CCDC148: variants seen among roughly 807,000 people sequenced by gnomAD.
The protein encoded by CCDC148 is coiled-coil domain-containing protein 148.
Under a neutral mutation model 85.7 loss-of-function variants are expected in CCDC148, and 89 were observed. The observed-to-expected ratio is 1.04, with a 90% CI of 0.87 to 1.24. The LOEUF (loss-of-function observed/expected upper bound fraction) is 1.24. Among genes scored for constraint, CCDC148 ranks in the 50% most tolerant of loss-of-function variants. The pLI is 0.00. For missense variants in CCDC148, 692 were observed against 671.7 expected, an observed-to-expected ratio of 1.03 and a Z score of -0.33; for synonymous variants, 230 against 213.9, an observed-to-expected ratio of 1.08 and a Z score of -0.66.
At chr2:158,320,084 G>T (rs1482900188) in intron 7 of CCDC148, among the ~76,000 whole-genome samples, 1 of 152,022 alleles carries the variant, frequency 6.6e-6, no homozygotes, top group Admixed American at 6.6e-5. Context: ...ACCTTATATA[G>T]ACATTATGAC....
At chr2:158,372,165 T>C (rs1351924494) in intron 1 of CCDC148, among the ~76,000 whole-genome samples, 1 of 151,986 alleles carries the variant, frequency 6.6e-6, no homozygotes, top group Admixed American at 6.6e-5. Context: ...CCAAACTGTT[T>C]TAATAATTCC....
chr2:158,277,598 T>G (rs542998499), intron 9 of CCDC148, among the ~76,000 whole-genome samples: 3 of 152,118 alleles, frequency 2.0e-5, no homozygotes, highest in South Asian at 4.1e-4. Flanking sequence ...TATGTTTTTT[T>G]GTTTTTTTTT....
chr2:158,250,448 A>G (rs954687597), intron 10 of CCDC148, among the ~76,000 whole-genome samples: 8 of 151,254 alleles, frequency 5.3e-5, no homozygotes, highest in African/African-American at 1.9e-4. Context: ...CCAGCACAGT[A>G]CCCTCTCATT....
intron 1 of CCDC148, among the ~76,000 whole-genome samples, chr2:158,371,131 T>C (rs752059107): frequency 2.0e-5 from 3 of 151,972 alleles, no homozygotes; most frequent in Non-Finnish European, 4.4e-5. Flanking sequence ...TATGCCTATT[T>C]TACCAATTAA....
intron 7 of CCDC148, among the ~76,000 whole-genome samples, chr2:158,334,578 G>A (rs536289069): frequency 1.5e-3 from 124 of 83,182 alleles, no homozygotes; most frequent in African/African-American, 6.2e-3. Context: ...ATATCTTAAC[G>A]CACCTGGAGG....
intron 1 of CCDC148, among the ~76,000 whole-genome samples, chr2:158,445,284 C>T (rs1307040945): frequency 1.3e-5 from 2 of 152,098 alleles, no homozygotes; most frequent in Non-Finnish European, 2.9e-5. Flanking sequence ...TTATCAAATT[C>T]TCTACATTAT....
chr2:158,179,426 A>G (rs746600638), intron 11 of CCDC148, among the ~76,000 whole-genome samples: 20 of 151,986 alleles, frequency 1.3e-4, no homozygotes, highest in South Asian at 6.2e-4. Flanking sequence ...CAAAGTGCTG[A>G]GATTACAGGA....
chr2:158,210,272 T>C (rs1574407437), intron 11 of CCDC148, among the ~76,000 whole-genome samples: 1 of 152,228 alleles, frequency 6.6e-6, no homozygotes, highest in East Asian at 1.9e-4. Context: ...CTATCCTAAA[T>C]ATATATGCAC....
At chr2:158,311,413 T>A (rs1049632568) in intron 8 of CCDC148, among the ~76,000 whole-genome samples, 3 of 151,258 alleles carry the variant, frequency 2.0e-5, no homozygotes, top group East Asian at 3.9e-4. Context: ...TGAGCCGAGA[T>A]CGCGGCAGTA....
At chr2:158,369,039 T>C (rs1684319731) in intron 1 of CCDC148, among the ~76,000 whole-genome samples, 1 of 152,132 alleles carries the variant, frequency 6.6e-6, no homozygotes, top group African/African-American at 2.4e-5. Context: ...ATTATAAATA[T>C]GTAGACTAGT....
chr2:158,455,043 AT>A (rs899395560), intron 1 of CCDC148, among the ~76,000 whole-genome samples: 4 of 152,026 alleles, frequency 2.6e-5, no homozygotes, highest in African/African-American at 9.7e-5. Context: ...GAAAAGACCC[AT>A]TTTTTCTTTC....
At chr2:158,247,404 T>C (rs1244874841) in intron 10 of CCDC148, among the ~76,000 whole-genome samples, 1 of 152,186 alleles carries the variant, frequency 6.6e-6, no homozygotes, top group Non-Finnish European at 1.5e-5. Flanking sequence ...AACACAGTTA[T>C]TCTCCTTCTA....
chr2:158,281,821 C>CA (rs1344737311), intron 9 of CCDC148, among the ~76,000 whole-genome samples: 2 of 151,916 alleles, frequency 1.3e-5, no homozygotes, highest in African/African-American at 2.4e-5. Context: ...AGAGACACAA[C>CA]AAAAAAAGAG....
At chr2:158,438,280 T>C (rs549499428) in intron 1 of CCDC148, among the ~76,000 whole-genome samples, 4 of 152,198 alleles carry the variant, frequency 2.6e-5, no homozygotes, top group African/African-American at 9.6e-5. Context: ...AACCGAGATA[T>C]AGACCAATGG....
chr2:158,296,326 T>A (rs539168528), intron 9 of CCDC148, among the ~76,000 whole-genome samples: 1 of 152,212 alleles, frequency 6.6e-6, no homozygotes, highest in Non-Finnish European at 1.5e-5. Context: ...TTCATAGGAC[T>A]ACCCTTTCTT....
intron 1 of CCDC148, among the ~76,000 whole-genome samples, chr2:158,453,680 G>C (rs542521156): frequency 6.6e-6 from 1 of 152,198 alleles, no homozygotes; most frequent in Non-Finnish European, 1.5e-5. Context: ...GCTTCTTAGG[G>C]AATTTACCAC....
chr2:158,455,406 T>C (rs745549918), intron 1 of CCDC148, among the ~76,000 whole-genome samples: 5 of 151,908 alleles, frequency 3.3e-5, no homozygotes, highest in Non-Finnish European at 7.4e-5. Flanking sequence ...TTTTTTCCAA[T>C]CAAGGCACCA....
chr2:158,318,583 AT>A (rs201518684), intron 7 of CCDC148, among the ~76,000 whole-genome samples: 9 of 150,916 alleles, frequency 6.0e-5, no homozygotes, highest in African/African-American at 1.5e-4. Flanking sequence ...TTTTACTTAG[AT>A]TTTTTTTTAG....
chr2:158,438,238 C>T (rs1433627426), intron 1 of CCDC148, among the ~76,000 whole-genome samples: 1 of 152,116 alleles, frequency 6.6e-6, no homozygotes, highest in African/African-American at 2.4e-5. Context: ...TACAAGGCCT[C>T]AGTAACCAAA....
Sources: allele counts gnomAD v4.1 joint callset (sites outside exome capture counted in the v4.1 genomes callset), GRCh38; gene constraint gnomAD v4.1.1; transcripts MANE v1.5; gene names NCBI Gene and HGNC (gene_info 2026-07-23, HGNC 2026-07-21).